The following LTBP3 variants were observed in gnomAD, a reference collection of about 807,000 sequenced individuals.
The protein encoded by LTBP3 is latent transforming growth factor beta binding protein 3.
A neutral mutation model predicts 159.7 loss-of-function variants in LTBP3; 97 were observed. The observed-to-expected ratio is 0.61, with a 90% CI of 0.52 to 0.72. LTBP3 has a LOEUF of 0.72. Among genes scored for constraint, LTBP3 ranks in the 30% least tolerant of loss-of-function variants. The probability of loss-of-function intolerance (pLI) is 0.00; values close to 1 mark genes in which losing one functional copy is unlikely to be tolerated. For missense variants in LTBP3, 1,584 were observed against 1,864.3 expected, an observed-to-expected ratio of 0.85 and a Z score of 2.77; for synonymous variants, 824 against 777.1, an observed-to-expected ratio of 1.06 and a Z score of -1.00.
In LTBP3 at chr11:65,555,422, CT is replaced by C. The variant is rs560845545; in HGVS notation, c.332-1043del. 5.9e-4 allele frequency among the ~76,000 whole-genome samples: 90 copies of C among 152,236 alleles called. 1 individual carries two copies. In the Middle Eastern group the frequency reaches 0.017, roughly 29 times the overall value. ...CACAACAGGGCCCCAGGTCCCCCCC[CT>C]CTCTATATATGCAGATCTCATCCTT... On this transcript the variant is annotated intron_variant, in intron 1 of 27. Coordinates refer to ENST00000301873, the MANE Select transcript of LTBP3 (RefSeq NM_001130144.3).
chr11:65,557,985 G>C lies in LTBP3; in HGVS notation c.-26C>G. 8.9e-7 allele frequency: 1 copy of C among 1,126,300 alleles called. No homozygotes were observed. The highest frequency in any genetic ancestry group is 1.1e-6 in the Non-Finnish European group (1 of 921,976). 69.8% of individuals were successfully genotyped at this position (1,126,300 alleles called of 1,614,324 possible). A position where few individuals can be genotyped will look rare whatever the true frequency, so the allele number is the denominator to read the frequency against. On this transcript the variant is annotated 5_prime_UTR_variant, in exon 1 of 28. Transcript: ENST00000301873. ...CCGGGGCCGCAGGACCCGGGGGAGGGGGGGCGCGCCCGGGCGGGGCGAGGG... is the reference window on the plus strand; with the variant it reads ...CCGGGGCCGCAGGACCCGGGGGAGGCGGGGCGCGCCCGGGCGGGGCGAGGG...
rs199773504 is a variant in LTBP3, at chr11:65,547,347, GGA to G, written c.2107+90_2107+91del. The G allele has an allele frequency of 0.035, 44,466 of 1,271,874 alleles. 801 individuals carry two copies. Among genetic ancestry groups the G allele is most frequent in the African/African-American group, 0.2 (12,479 of 63,362 alleles). The allele number at this position is 1,271,874 out of a possible 1,614,324, so 78.8% of individuals were successfully genotyped here. A position where few individuals can be genotyped will look rare whatever the true frequency, so the allele number is the denominator to read the frequency against. On this transcript the variant is annotated intron_variant, in intron 14 of 27. Coordinates refer to ENST00000301873, the MANE Select transcript of LTBP3 (RefSeq NM_001130144.3). The surrounding 1 kb of genome is among the most constrained non-coding windows in gnomAD (Gnocchi z 4.6). ...CGACAGAGTGAGACTCCGTCTCGGGGGAAAAAAAAAAAAATGCAGGCACCCCA... is the reference window on the plus strand; with the variant it reads ...CGACAGAGTGAGACTCCGTCTCGGGGAAAAAAAAAAAATGCAGGCACCCCA...
intron 1 of LTBP3, among the ~76,000 whole-genome samples, chr11:65,555,595 T>C (rs77886184): frequency 0.015 from 2,352 of 152,288 alleles, 77 homozygotes; most frequent in African/African-American, 0.055. Flanking sequence ...TAGAGGGTGC[T>C]CTGGAAGGCA....
At chr11:65,550,739 G>A (rs1336951748) in intron 11 of LTBP3, among the ~76,000 whole-genome samples, 2 of 151,888 alleles carry the variant, frequency 1.3e-5, no homozygotes, top group Admixed American at 1.3e-4. Context: ...CAGGAGAATC[G>A]CTTGAACCCG....
intron 16 of LTBP3, chr11:65,543,801 G>A (rs1225998054): frequency 4.0e-5 from 21 of 524,092 alleles, no homozygotes; most frequent in East Asian, 6.8e-5. Flanking sequence ...TGCCCCAGCC[G>A]CTTTCACTGC....
rs747233808 is a variant in LTBP3 at position 65,539,769 on chromosome 11, C to G, written c.3498G>C (p.Gln1166His). 2.6e-6 allele frequency: 4 copies of G among 1,545,604 alleles called. No individual in the cohort carries two copies. Among genetic ancestry groups the G allele is most frequent in the Non-Finnish European group, 2.6e-6 (3 of 1,152,856 alleles). ...GGCATTGGGCGCCCCAGCCGCGGCCCTGGCGGCAGCAGCAGTCGTCGAAGG... is the reference window on the plus strand; with the variant it reads ...GGCATTGGGCGCCCCAGCCGCGGCCGTGGCGGCAGCAGCAGTCGTCGAAGG... ...ALTFDDCCCR[Q>H]GRGWGAQCRP... The change falls in exon 25 of 28, where the codon CAG becomes CAC. Residue 1166 changes from glutamine to histidine, a missense_variant. By Grantham distance (24) the Gln-to-His change is conservative (BLOSUM62 0). This residue lies in a region of LTBP3 where 514 missense variants were observed against 530.3 expected (regional missense o/e 0.97). Transcript: ENST00000301873.
rs1409588681 is a variant in LTBP3, at chr11:65,540,291, G to T, written c.3198C>A (p.Ala1066=). The part of the protein sequence containing the change: ...GGYRCACTPP[A]EYSPAQRQCL... ...ACTGGCGCTGCGCGGGACTGTACTC[G>T]GCAGGGGGCGTGCAGGCACAGCGGT... Residue 1066 remains alanine (A), a synonymous_variant, in exon 23 of 28, where the codon GCC becomes GCA. Transcript: ENST00000301873. 1 of 1,559,700 alleles carries T rather than the reference G, an allele frequency of 6.4e-7. No homozygotes were observed.
Position 65,540,513 on chromosome 11 carries a change from A to C in LTBP3, c.3079T>G (p.Tyr1027Asp). The C allele has an allele frequency of 6.2e-7, 1 of 1,613,792 alleles. No individual in the cohort carries two copies. Among genetic ancestry groups the C allele is most frequent in the Non-Finnish European group, 8.5e-7 (1 of 1,179,884 alleles). ...ACGCATTCCAGCAGGTTCCCGTCGT[A>C]GTAGAAGCCCTGCTTGCAGTAGCAC... ...YECYCKQGFY[Y>D]DGNLLECVDV... Residue 1027 changes from tyrosine (Y) to aspartate (D), a missense_variant, in exon 22 of 28, where the codon TAC (tyrosine) becomes GAC (aspartate). Physicochemically the swap from Tyr to Asp is radical, Grantham distance 160. This residue lies in a region of LTBP3 where 514 missense variants were observed against 530.3 expected (regional missense o/e 0.97). Transcript: ENST00000301873.
chr11:65,552,214 T>A lies in LTBP3; in HGVS notation c.1345+34A>T, dbSNP rs1198492670. The A allele has an allele frequency of 6.2e-7, 1 of 1,614,114 alleles. No homozygotes were observed. The highest frequency in any genetic ancestry group is 8.5e-7 in the Non-Finnish European group (1 of 1,179,990). On this transcript the variant is annotated intron_variant, in intron 7 of 27. Transcript: ENST00000301873. The surrounding 1 kb of genome is among the most constrained non-coding windows in gnomAD (Gnocchi z 6.0). ...CATTTCCTGGACAGGTGCATGGACC[T>A]ATGAACCCCTATCCCCGGGTAACCC...
In LTBP3 at chr11:65,540,273, C is replaced by G. The variant is rs781295707; in HGVS notation, c.3216G>C (p.Gln1072His). 3.2e-6 allele frequency: 5 copies of G among 1,553,712 alleles called. No homozygotes were observed. The South Asian group carries it at 4.7e-5, about 15-fold the overall frequency. ...CTPPAEYSPA[Q>H]RQCLSPEEMD... ...TCTCTTCCGGGCTCAGGCACTGGCG[C>G]TGCGCGGGACTGTACTCGGCAGGGG... Residue 1072 changes from glutamine (Q) to histidine (H), a missense_variant, in exon 23 of 28, where the codon CAG becomes CAC. By Grantham distance (24) the Gln-to-His change is conservative. Around this residue, in one of 6 missense-constraint regions of LTBP3, gnomAD observed 514 missense variants for 530.3 expected, o/e 0.97. Transcript: ENST00000301873.
At position 65,538,865 on chromosome 11, in the gene LTBP3, G is replaced by A. The variant is rs1180976014; in HGVS notation, c.*215C>T. ...TCAGTTTCTAGGAAACACCCTCTGG[G>A]AGGAAGGCAGGCAGCGCCCGCCGGA... On this transcript the variant is annotated 3_prime_UTR_variant, in exon 28 of 28. Coordinates refer to ENST00000301873, the MANE Select transcript of LTBP3 (RefSeq NM_001130144.3). The A allele has an allele frequency of 7.6e-6, 7 of 915,704 alleles. No homozygotes were observed. The highest frequency in any genetic ancestry group is 9.1e-6 in the Non-Finnish European group (6 of 662,748). 56.7% of individuals were successfully genotyped at this position (915,704 alleles called of 1,614,324 possible). A position where few individuals can be genotyped will look rare whatever the true frequency, so the allele number is the denominator to read the frequency against.
At chr11:65,557,401 C>T (rs1856847134) in intron 1 of LTBP3, among the ~76,000 whole-genome samples, 1 of 152,076 alleles carries the variant, frequency 6.6e-6, no homozygotes, top group African/African-American at 2.4e-5. Context: ...CCCTTAGGCC[C>T]CAACCCTAAC....
Position 65,547,990 on chromosome 11 carries a change from C to G in LTBP3, c.1776G>C (p.Pro592=), listed in dbSNP as rs1389863725. The G allele has an allele frequency of 1.9e-6, 3 of 1,613,778 alleles. No individual in the cohort carries two copies. Among genetic ancestry groups the G allele is most frequent in the East Asian group, 2.2e-5 (1 of 44,874 alleles). ...AGTGGCAGGAGTAGTCAGGGGGGCCCGGCACGCACTCTCCGTGGCCACAGA... is the reference window on the plus strand; with the variant it reads ...AGTGGCAGGAGTAGTCAGGGGGGCCGGGCACGCACTCTCCGTGGCCACAGA... The part of the protein sequence containing the change: ...QNICGHGECV[P]GPPDYSCHCN... Residue 592 remains proline (P), a synonymous_variant, in exon 12 of 28, where the codon CCG becomes CCC. Transcript: ENST00000301873. The surrounding 1 kb of genome is among the most constrained non-coding windows in gnomAD (Gnocchi z 4.6).
In LTBP3 at chr11:65,547,359, A is replaced by AAT; in HGVS notation, c.2107+79_2107+80insAT. ...ACTCCGTCTCGGGGGAAAAAAAAAAAAATGCAGGCACCCCAGCCCCACCCC... is the reference window on the plus strand; with the variant it reads ...ACTCCGTCTCGGGGGAAAAAAAAAAAATAATGCAGGCACCCCAGCCCCACCCC... On this transcript the variant is annotated intron_variant, in intron 14 of 27. Transcript: ENST00000301873. This position sits in a 1 kb window ranked among gnomAD's most constrained non-coding sequence, Gnocchi z 4.6. 1 of 1,517,204 alleles carries AAT rather than the reference A, an allele frequency of 6.6e-7. No homozygotes were observed. Among genetic ancestry groups the AAT allele is most frequent in the Non-Finnish European group, 8.9e-7 (1 of 1,122,966 alleles). 94.0% of individuals were successfully genotyped at this position (1,517,204 alleles called of 1,614,324 possible).
In LTBP3 at chr11:65,539,721, C is replaced by G. The variant is rs569342451; in HGVS notation, c.3546G>C (p.Ala1182=). The part of the protein sequence containing the change: ...AQCRPCPPRG[A]GSHCPTSQSE... The stretch of plus-strand genomic sequence containing the variant: ...CCAACTCCTCCCCGACTGCCTTACC[C>G]GCGCCGCGCGGCGGGCACGGTCGGC... The change falls in exon 25 of 28, where the codon GCG becomes GCC. Residue 1182 remains alanine, a splice_region_variant and synonymous_variant. Transcript: ENST00000301873. The G allele has an allele frequency of 7.7e-6, 12 of 1,551,026 alleles. No individual in the cohort carries two copies. In the African/African-American group the frequency reaches 1.6e-4, roughly 21 times the overall value.
chr11:65,551,768 G>C, intron 8 of LTBP3: 1 of 896,900 alleles, frequency 1.1e-6, no homozygotes, highest in Non-Finnish European at 1.8e-6. Flanking sequence ...TGGGTTACAG[G>C]TCAGGCTGTA....
rs1856088620 is a variant in LTBP3 at position 65,540,735 on chromosome 11, A to ATGAG, written c.2978-122_2978-121insCTCA. 3 of 1,474,358 alleles carry ATGAG rather than the reference A, an allele frequency of 2.0e-6. No individual in the cohort carries two copies. In the South Asian group the frequency reaches 3.5e-5, roughly 17 times the overall value. 91.3% of individuals were successfully genotyped at this position (1,474,358 alleles called of 1,614,324 possible). On this transcript the variant is annotated intron_variant, in intron 21 of 27. Coordinates refer to ENST00000301873, the MANE Select transcript of LTBP3 (RefSeq NM_001130144.3). Reference sequence around the variant, plus strand: ...GGCCTACAGGAGGGGCGGGGCCTACAGGGCGGGGCCTGCGAGGAAGGTGCG... The same window carrying ATGAG: ...GGCCTACAGGAGGGGCGGGGCCTACATGAGGGGCGGGGCCTGCGAGGAAGGTGCG...
Position 65,551,191 on chromosome 11 carries a change from C to T in LTBP3, c.1655G>A (p.Arg552His), listed in dbSNP as rs945572713. Residue 552 changes from arginine to histidine, a missense_variant, in exon 11 of 28, where the codon CGC (arginine) becomes CAC (histidine). Transcript: ENST00000301873. ...AGGAGGCAAGTCCGGCAGGAACCAG[C>T]GCATGGTCGGGGGCGAGGGACGGGA... ...LISRPSPPTM[R>H]WFLPDLPPSR... 5 of 1,551,156 alleles carry T rather than the reference C, an allele frequency of 3.2e-6. No individual in the cohort carries two copies. In the South Asian group the frequency reaches 3.6e-5, roughly 11 times the overall value.
In LTBP3 at chr11:65,553,550, G is replaced by T; in HGVS notation, c.865-20C>A. On this transcript the variant is annotated intron_variant, in intron 3 of 27. Coordinates refer to ENST00000301873, the MANE Select transcript of LTBP3 (RefSeq NM_001130144.3). The surrounding 1 kb of genome is among the most constrained non-coding windows in gnomAD (Gnocchi z 6.5). ...GCCACACTAGGGGAAGGAGGGGGAG[G>T]TGGGGTCACAGAGCACCCCGCCCCG... The T allele has an allele frequency of 6.6e-7, 1 of 1,523,410 alleles. No homozygotes were observed. The highest frequency in any genetic ancestry group is 9.1e-7 in the Non-Finnish European group (1 of 1,101,088). The allele number at this position is 1,523,410 out of a possible 1,614,324, so 94.4% of individuals were successfully genotyped here. A position where few individuals can be genotyped will look rare whatever the true frequency, so the allele number is the denominator to read the frequency against.
Sources: gnomAD v4.1 joint callset for allele counts (sites outside exome capture counted in the v4.1 genomes callset) on GRCh38, gnomAD v4.1.1 for gene constraint, gnomAD v4.1.1 regional missense constraint, Gnocchi (gnomAD v3.1) non-coding constraint, MANE v1.5 for transcripts, NCBI Gene and HGNC (gene_info 2026-07-23, HGNC 2026-07-21) for gene names.